The following PCDH9 variants were observed in gnomAD, a reference collection of about 807,000 sequenced individuals.
The protein encoded by PCDH9 is protocadherin 9.
In PCDH9, 24 loss-of-function variants were observed where a neutral mutation model predicts 70.6. The ratio of observed to expected loss-of-function variants is 0.34; its 90% CI spans 0.25 to 0.48. The LOEUF (loss-of-function observed/expected upper bound fraction) is 0.48. PCDH9 is among the 20% of genes least tolerant of loss of function. PCDH9 has a pLI of 0.99. For missense variants in PCDH9, 1,281 were observed against 1,503.6 expected (o/e 0.85, Z 2.45); for synonymous variants, 562 against 558.5 (o/e 1.01, Z -0.09).
intron 3 of PCDH9, among the ~76,000 whole-genome samples, chr13:66,809,229 T>C (rs1446315661): frequency 2.0e-5 from 3 of 152,200 alleles, no homozygotes; most frequent in Admixed American, 2.0e-4. Flanking sequence ...ATTACAGGCA[T>C]GAGCCACCGC....
At chr13:66,727,659 T>C (rs1473560976) in intron 3 of PCDH9, among the ~76,000 whole-genome samples, 2 of 152,150 alleles carry the variant, frequency 1.3e-5, no homozygotes. Context: ...AGACTAGATA[T>C]AGACACAGAG....
chr13:66,996,613 A>G (rs2139810403), intron 2 of PCDH9, among the ~76,000 whole-genome samples: 1 of 152,342 alleles, frequency 6.6e-6, no homozygotes, highest in Middle Eastern at 3.4e-3. Flanking sequence ...TCAACATTAT[A>G]AATTAAGTTT....
In PCDH9 at chr13:66,805,168, A is replaced by G. The variant is rs2080391090; in HGVS notation, c.3138+98336T>C. Reference sequence around the variant, plus strand: ...ATACTGTACAGAGCCAACTTTGTTCAATGTTACATAAAGTAAATAGTTTGA... The same window carrying G: ...ATACTGTACAGAGCCAACTTTGTTCGATGTTACATAAAGTAAATAGTTTGA... On this transcript the variant is annotated intron_variant, in intron 3 of 4. Transcript: ENST00000377865. Among the ~76,000 whole-genome samples, 3 of 152,318 alleles carry G rather than the reference A, an allele frequency of 2.0e-5. No homozygotes were observed. The South Asian group carries it at 6.2e-4, about 32-fold the overall frequency.
chr13:66,394,860 G>A (rs950065037), intron 4 of PCDH9, among the ~76,000 whole-genome samples: 1 of 152,158 alleles, frequency 6.6e-6, no homozygotes, highest in African/African-American at 2.4e-5. Flanking sequence ...AAATGCAGCT[G>A]CTTGACAACT....
chr13:67,084,294 T>A (rs2086048531), intron 2 of PCDH9, among the ~76,000 whole-genome samples: 1 of 152,146 alleles, frequency 6.6e-6, no homozygotes, highest in Admixed American at 6.5e-5. Flanking sequence ...ACCCCATTCT[T>A]CTTTCTGTTC....
In PCDH9 at chr13:66,489,034, CTTTGCTA is replaced by C. The variant is rs201804056; in HGVS notation, c.3340+142169_3340+142175del. Reference sequence around the variant, plus strand: ...TTACATTTTAAGTGCATTATAAATTCTTTGCTATTTGCTAAGTGGTGTTATAATTTTA... The same window carrying C: ...TTACATTTTAAGTGCATTATAAATTCTTTGCTAAGTGGTGTTATAATTTTA... On this transcript the variant is annotated intron_variant, in intron 4 of 4. Transcript: ENST00000377865. 4.7e-3 allele frequency among the ~76,000 whole-genome samples: 708 copies of C among 152,154 alleles called. 32 individuals carry two copies. In the East Asian group the frequency reaches 0.092, roughly 20 times the overall value.
At chr13:67,085,709 A>T (rs1455970624) in intron 2 of PCDH9, among the ~76,000 whole-genome samples, 1 of 152,184 alleles carries the variant, frequency 6.6e-6, no homozygotes, top group Non-Finnish European at 1.5e-5. Context: ...TTCTGTGGCT[A>T]ACAAGCAATA....
chr13:66,854,013 G>A (rs2081355534), intron 3 of PCDH9, among the ~76,000 whole-genome samples: 1 of 152,202 alleles, frequency 6.6e-6, no homozygotes, highest in Non-Finnish European at 1.5e-5. Flanking sequence ...AGTCAAAGAT[G>A]TGAGGTAAAG....
chr13:66,361,913 A>T (rs1339190160), intron 4 of PCDH9, among the ~76,000 whole-genome samples: 1 of 152,152 alleles, frequency 6.6e-6, no homozygotes, highest in Non-Finnish European at 1.5e-5. Flanking sequence ...CTCTTGGATT[A>T]CACTAAAACT....
intron 3 of PCDH9, among the ~76,000 whole-genome samples, chr13:66,864,405 A>ATT (rs2081536305): frequency 6.6e-6 from 1 of 152,172 alleles, no homozygotes; most frequent in African/African-American, 2.4e-5. Flanking sequence ...CAAATATCAG[A>ATT]TGTTTTGACA....
At chr13:66,756,701 G>T (rs557699872) in intron 3 of PCDH9, among the ~76,000 whole-genome samples, 1 of 152,184 alleles carries the variant, frequency 6.6e-6, no homozygotes, top group Admixed American at 6.5e-5. Context: ...TGTTGATACT[G>T]CTAGTTTTAC....
At chr13:67,134,092 AC>A (rs2087173045) in intron 2 of PCDH9, among the ~76,000 whole-genome samples, 1 of 152,096 alleles carries the variant, frequency 6.6e-6, no homozygotes, top group Admixed American at 6.6e-5. Context: ...TCATAATGTG[AC>A]TTTTTAAAAT....
chr13:67,194,162 T>A (rs2088994535), intron 2 of PCDH9, among the ~76,000 whole-genome samples: 1 of 152,160 alleles, frequency 6.6e-6, no homozygotes, highest in African/African-American at 2.4e-5. Flanking sequence ...GCCAATTTTG[T>A]GCCAGATACT....
chr13:67,209,188 T>C (rs2089419554), intron 2 of PCDH9: 2 of 152,112 alleles, frequency 1.3e-5, no homozygotes, highest in African/African-American at 4.8e-5. Flanking sequence ...ATGCCTCACC[T>C]TAGCACCACA....
chr13:66,314,663 C>A (rs1212966896), intron 4 of PCDH9, among the ~76,000 whole-genome samples: 2 of 152,178 alleles, frequency 1.3e-5, no homozygotes, highest in Non-Finnish European at 2.9e-5. Context: ...TTACACAATT[C>A]TTGCATTTTT....
chr13:67,147,869 G>A (rs1162822067), intron 2 of PCDH9, among the ~76,000 whole-genome samples: 1 of 152,148 alleles, frequency 6.6e-6, no homozygotes, highest in East Asian at 1.9e-4. Context: ...CACTGTCAAA[G>A]CATTCCATCC....
intron 3 of PCDH9, among the ~76,000 whole-genome samples, chr13:66,804,665 A>C (rs893044729): frequency 6.6e-6 from 1 of 152,200 alleles, no homozygotes; most frequent in African/African-American, 2.4e-5. Flanking sequence ...GAGTTAAGTT[A>C]GTTCTTATCA....
chr13:66,951,639 A>C (rs1393132720), intron 2 of PCDH9, among the ~76,000 whole-genome samples: 1 of 152,194 alleles, frequency 6.6e-6, no homozygotes, highest in Non-Finnish European at 1.5e-5. Flanking sequence ...CGCTTCTAAC[A>C]GAGTCACTAT....
chr13:66,576,008 C>A (rs17081539), intron 4 of PCDH9, among the ~76,000 whole-genome samples: 24 of 150,354 alleles, frequency 1.6e-4, no homozygotes, highest in African/African-American at 5.4e-4. Context: ...GTAAGCTAGA[C>A]ACTTTGGATT....
Sources: gnomAD v4.1 joint callset for allele counts (sites outside exome capture counted in the v4.1 genomes callset) on GRCh38, gnomAD v4.1.1 for gene constraint, MANE v1.5 for transcripts, NCBI Gene and HGNC (gene_info 2026-07-23, HGNC 2026-07-21) for gene names.